ATP6V0D2: variants seen among roughly 807,000 people sequenced by gnomAD.
ATP6V0D2 encodes the protein ATPase H+ transporting V0 subunit d2, also known as V-type proton ATPase subunit d 2.
Under a neutral mutation model 40.0 loss-of-function variants are expected in ATP6V0D2, and 40 were observed. The ratio of observed to expected loss-of-function variants is 1.00; its 90% CI spans 0.78 to 1.30. ATP6V0D2 has a LOEUF of 1.30. Among genes scored for constraint, ATP6V0D2 ranks in the 50% most tolerant of loss-of-function variants. The pLI is 0.00. For synonymous variants in ATP6V0D2, 179 were observed against 156.3 expected, an observed-to-expected ratio of 1.15 and a Z score of -1.08; for missense variants, 470 against 423.1, an observed-to-expected ratio of 1.11 and a Z score of -0.97.
intron 3 of ATP6V0D2, among the ~76,000 whole-genome samples, chr8:86,140,759 T>G (rs571245360): frequency 1.8e-4 from 27 of 152,280 alleles, no homozygotes; most frequent in African/African-American, 5.1e-4. Flanking sequence ...ACTGGTTTCG[T>G]GGAAGACAAC....
intron 7 of ATP6V0D2, 108 bp downstream of exon 7, chr8:86,151,648 G>A (rs1040565886): frequency 6.2e-5 from 49 of 788,496 alleles, no homozygotes; most frequent in Non-Finnish European, 6.8e-5. Context: ...CAATTGATTA[G>A]GCACATTCAT....
chr8:86,098,978 C>G lies in ATP6V0D2; in HGVS notation c.-1C>G. On this transcript the variant is annotated 5_prime_UTR_variant, in exon 1 of 8. Coordinates refer to ENST00000285393, the MANE Select transcript of ATP6V0D2 (RefSeq NM_152565.1). ...CTACCTTGGCTTCAATCTCTTCCCC[C>G]ATGCTCGAAGGTGCGGAGCTGTACT... 1 of 1,613,464 alleles carries G rather than the reference C, an allele frequency of 6.2e-7. No homozygotes were observed.
intron 2 of ATP6V0D2, among the ~76,000 whole-genome samples, chr8:86,135,244 C>T (rs1286088536): frequency 7.2e-5 from 11 of 152,164 alleles, no homozygotes; most frequent in Admixed American, 7.2e-4. Flanking sequence ...CAAATTATGG[C>T]TCTATAATAT....
intron 2 of ATP6V0D2, among the ~76,000 whole-genome samples, chr8:86,130,387 G>T (rs1430763840): frequency 6.6e-6 from 1 of 152,068 alleles, no homozygotes; most frequent in Non-Finnish European, 1.5e-5. Flanking sequence ...AGAAGAAACT[G>T]GGTATGGGGT....
intron 3 of ATP6V0D2, among the ~76,000 whole-genome samples, chr8:86,140,790 G>A (rs938564091): frequency 6.6e-6 from 1 of 152,032 alleles, no homozygotes; most frequent in African/African-American, 2.4e-5. Context: ...CAGGAGAGAG[G>A]GGATGGTTTC....
Position 86,145,366 on chromosome 8 carries a change from GAAGGAAGGAAAGA to G in ATP6V0D2, c.639+2415_639+2427del, listed in dbSNP as rs1247823426. Among the ~76,000 whole-genome samples, 543 of 71,610 alleles carry G rather than the reference GAAGGAAGGAAAGA, an allele frequency of 7.6e-3. 3 individuals are homozygous for G. The highest frequency in any genetic ancestry group is 0.013 in the African/African-American group (221 of 17,520). The allele number at this position is 71,610 out of a possible 152,430, so 47.0% of individuals were successfully genotyped here. On this transcript the variant is annotated intron_variant, in intron 5 of 7. Coordinates refer to ENST00000285393, the MANE Select transcript of ATP6V0D2 (RefSeq NM_152565.1). ...AGAAGGAAAGAAGGAAGGAAGGAAG[GAAGGAAGGAAAGA>G]AAAGAAAAGAAAAGAAAAGAAAAGA...
chr8:86,113,144 T>C (rs950675608), intron 1 of ATP6V0D2, among the ~76,000 whole-genome samples: 1 of 151,880 alleles, frequency 6.6e-6, no homozygotes, highest in African/African-American at 2.4e-5. Flanking sequence ...TTTTTTTTTT[T>C]TCAGATCTGC....
At chr8:86,115,025 T>C (rs1818575032) in intron 2 of ATP6V0D2, among the ~76,000 whole-genome samples, 2 of 152,206 alleles carry the variant, frequency 1.3e-5, no homozygotes, top group South Asian at 4.1e-4. Context: ...GGACTTCATG[T>C]CAAACACTGT....
At chr8:86,148,513 CT>C (rs1349646492) in intron 5 of ATP6V0D2, among the ~76,000 whole-genome samples, 2 of 152,178 alleles carry the variant, frequency 1.3e-5, no homozygotes, top group Non-Finnish European at 2.9e-5. Context: ...TACAGCAATT[CT>C]TTTCAGCTTT....
At chr8:86,101,921 C>A (rs560112046) in intron 1 of ATP6V0D2, among the ~76,000 whole-genome samples, 14 of 152,250 alleles carry the variant, frequency 9.2e-5, no homozygotes, top group African/African-American at 3.4e-4. Context: ...CAGAGACTCC[C>A]AGAAATATCA....
At position 86,150,278 on chromosome 8, in the gene ATP6V0D2, A is replaced by T. The variant is rs992425837; in HGVS notation, c.806A>T (p.Asp269Val). 4.3e-6 allele frequency: 7 copies of T among 1,613,312 alleles called. No individual in the cohort carries two copies. The East Asian group carries it at 1.3e-4, about 31-fold the overall frequency. ...EDFDQMKNVA[D>V]HYGVYKPLFE... ...TTTGACCAGATGAAGAACGTAGCGG[A>T]TCATTACGGAGTATGTGATGACACT... The change falls in exon 6 of 8, where the codon GAT becomes GTT. Residue 269 changes from aspartate to valine, a missense_variant. Asp to Val is a radical substitution (Grantham distance 152, BLOSUM62 -3). Transcript: ENST00000285393.
Position 86,152,797 on chromosome 8 carries a change from AC to A in ATP6V0D2, c.892-18del, listed in dbSNP as rs1476889451. On this transcript the variant is annotated intron_variant, in intron 7 of 7. Transcript: ENST00000285393. ...TCCAAATAAGTTGATGATCTGTGTT[AC>A]TTTTTTTCTTTCCTCAGGTACAAAT... is the stretch of plus-strand genomic sequence containing the variant. 3 of 1,583,448 alleles carry A rather than the reference AC, an allele frequency of 1.9e-6. No individual in the cohort carries two copies. Among genetic ancestry groups the A allele is most frequent in the Non-Finnish European group, 2.6e-6 (3 of 1,168,950 alleles).
intron 5 of ATP6V0D2, among the ~76,000 whole-genome samples, chr8:86,143,642 G>T (rs1819007363): frequency 6.6e-6 from 1 of 152,184 alleles, no homozygotes; most frequent in Admixed American, 6.5e-5. Context: ...GGTTTAGCCA[G>T]CTTCTTTACT....
rs1342535377 is a variant in ATP6V0D2, at chr8:86,153,202, A to G, written c.*225A>G. 8.9e-6 allele frequency: 3 copies of G among 337,010 alleles called. No individual in the cohort carries two copies. Among genetic ancestry groups the G allele is most frequent in the African/African-American group, 2.1e-5 (1 of 46,992 alleles). 20.9% of individuals were successfully genotyped at this position (337,010 alleles called of 1,614,324 possible). On this transcript the variant is annotated 3_prime_UTR_variant, in exon 8 of 8. Coordinates refer to ENST00000285393, the MANE Select transcript of ATP6V0D2 (RefSeq NM_152565.1). Reference sequence around the variant, plus strand: ...TTTCCACATGTCTGTCTCATTCTTCACTGGGCCTTACAGGTTAGTTTTAAT... The same window carrying G: ...TTTCCACATGTCTGTCTCATTCTTCGCTGGGCCTTACAGGTTAGTTTTAAT...
At chr8:86,100,038 T>A (rs1473777306) in intron 1 of ATP6V0D2, among the ~76,000 whole-genome samples, 2 of 129,832 alleles carry the variant, frequency 1.5e-5, no homozygotes, top group East Asian at 3.9e-4. Flanking sequence ...TTAACTGAAG[T>A]TAAAAAAAAA....
chr8:86,106,384 C>A (rs1426125958), intron 1 of ATP6V0D2, among the ~76,000 whole-genome samples: 1 of 152,184 alleles, frequency 6.6e-6, no homozygotes, highest in Non-Finnish European at 1.5e-5. Context: ...CCTCCTGCTT[C>A]AGCCTCCCAA....
chr8:86,107,328 A>G (rs1332792364), intron 1 of ATP6V0D2, among the ~76,000 whole-genome samples: 5 of 152,150 alleles, frequency 3.3e-5, no homozygotes, highest in Non-Finnish European at 5.9e-5. Context: ...TTAGGCTGCA[A>G]TACTAGAATA....
chr8:86,113,929 T>C (rs756327994), intron 2 of ATP6V0D2, 49 bp downstream of exon 2: 1 of 1,530,310 alleles, frequency 6.5e-7, no homozygotes. Flanking sequence ...CTCGTGCGGA[T>C]GACCCCTAAC....
At chr8:86,138,608 A>G (rs1287288753) in intron 2 of ATP6V0D2, among the ~76,000 whole-genome samples, 1 of 152,210 alleles carries the variant, frequency 6.6e-6, no homozygotes, top group African/African-American at 2.4e-5. Flanking sequence ...AAACTCGGGG[A>G]TGTGAGGAAG....
Sources: allele counts gnomAD v4.1 joint callset (sites outside exome capture counted in the v4.1 genomes callset), GRCh38; gene constraint gnomAD v4.1.1; transcripts MANE v1.5; gene names NCBI Gene and HGNC (gene_info 2026-07-23, HGNC 2026-07-21).